Variants in PHLPP1 observed in about 807,000 individuals in gnomAD.
PHLPP1 encodes the protein PH domain and leucine rich repeat protein phosphatase 1.
PHLPP1 carries 42 observed loss-of-function variants against 117.2 expected under a neutral mutation model. The observed-to-expected ratio is 0.36, with a 90% CI of 0.28 to 0.46. The LOEUF is 0.46. PHLPP1 is among the 20% of genes least tolerant of loss of function. The probability of loss-of-function intolerance (pLI) is 1.00; values close to 1 mark genes in which losing one functional copy is unlikely to be tolerated. For synonymous variants in PHLPP1, 1,042 were observed against 970.7 expected, an observed-to-expected ratio of 1.07 and a Z score of -1.37; for missense variants, 2,084 against 2,241.9, an observed-to-expected ratio of 0.93 and a Z score of 1.42.
At chr18:62,969,835 T>C (rs1033805821) in intron 14 of PHLPP1, among the ~76,000 whole-genome samples, 1 of 152,234 alleles carries the variant, frequency 6.6e-6, no homozygotes, top group Non-Finnish European at 1.5e-5. Flanking sequence ...AAAATCCTTT[T>C]ACTTTTAACC....
At chr18:62,905,170 C>A in intron 7 of PHLPP1, 54 bp from the exon 8 acceptor site, 2 of 1,118,260 alleles carry the variant, frequency 1.8e-6, no homozygotes, top group South Asian at 4.0e-5. Flanking sequence ...CAAAAAGAGT[C>A]TCTATGTCAT....
At chr18:62,850,254 G>A (rs1331925376) in intron 3 of PHLPP1, among the ~76,000 whole-genome samples, 1 of 151,646 alleles carries the variant, frequency 6.6e-6, no homozygotes, top group Non-Finnish European at 1.5e-5. Flanking sequence ...TGGGTGTGGT[G>A]GCAGGCACCT....
intron 1 of PHLPP1, among the ~76,000 whole-genome samples, chr18:62,791,335 C>A (rs905653416): frequency 6.6e-6 from 1 of 152,042 alleles, no homozygotes; most frequent in South Asian, 2.1e-4. Flanking sequence ...CACTGTGTAG[C>A]CACATGTTTC....
At chr18:62,746,128 C>T (rs1235791143) in intron 1 of PHLPP1, among the ~76,000 whole-genome samples, 1 of 152,134 alleles carries the variant, frequency 6.6e-6, no homozygotes, top group Non-Finnish European at 1.5e-5. Flanking sequence ...ACCGCAACCT[C>T]CCCCTCCCGG....
intron 1 of PHLPP1, among the ~76,000 whole-genome samples, chr18:62,761,429 G>A (rs1032965293): frequency 3.3e-5 from 5 of 151,740 alleles, no homozygotes; most frequent in East Asian, 2.0e-4. Context: ...TCATGAGATC[G>A]AGACCATCCT....
At chr18:62,816,013 T>C (rs913397931) in intron 1 of PHLPP1, among the ~76,000 whole-genome samples, 7 of 152,226 alleles carry the variant, frequency 4.6e-5, no homozygotes, top group African/African-American at 1.7e-4. Context: ...AAGTGATTTC[T>C]TATAATTGCA....
chr18:62,777,048 C>A (rs1049739368), intron 1 of PHLPP1, among the ~76,000 whole-genome samples: 3 of 152,170 alleles, frequency 2.0e-5, no homozygotes, highest in African/African-American at 7.2e-5. Context: ...TTTCTGTGAA[C>A]ATGTTTTCAT....
At chr18:62,742,823 G>A (rs1406267358) in intron 1 of PHLPP1, among the ~76,000 whole-genome samples, 1 of 152,130 alleles carries the variant, frequency 6.6e-6, no homozygotes, top group African/African-American at 2.4e-5. Context: ...AGAAAAATTA[G>A]TACCTCTTAT....
intron 9 of PHLPP1, among the ~76,000 whole-genome samples, chr18:62,919,427 C>T (rs1251566808): frequency 6.6e-6 from 1 of 151,988 alleles, no homozygotes; most frequent in East Asian, 1.9e-4. Flanking sequence ...AGACATACAG[C>T]CAGGGAAGTG....
At chr18:62,913,890 T>A (rs1917030665) in intron 8 of PHLPP1, among the ~76,000 whole-genome samples, 1 of 151,944 alleles carries the variant, frequency 6.6e-6, no homozygotes, top group African/African-American at 2.4e-5. Flanking sequence ...ATTATAGCCA[T>A]GTGCCACCAC....
At chr18:62,824,674 C>T (rs1191526484) in intron 1 of PHLPP1, among the ~76,000 whole-genome samples, 5 of 151,994 alleles carry the variant, frequency 3.3e-5, no homozygotes, top group Non-Finnish European at 5.9e-5. Context: ...AAAAGGTGGA[C>T]GTTTCTATCA....
At chr18:62,865,014 C>A (rs1267178713) in intron 4 of PHLPP1, among the ~76,000 whole-genome samples, 1 of 152,126 alleles carries the variant, frequency 6.6e-6, no homozygotes, top group Non-Finnish European at 1.5e-5. Context: ...GTTTTATATG[C>A]TCTATGTATT....
chr18:62,763,933 C>T (rs1269025041), intron 1 of PHLPP1, among the ~76,000 whole-genome samples: 3 of 152,000 alleles, frequency 2.0e-5, no homozygotes, highest in African/African-American at 4.8e-5. Flanking sequence ...GAGGCTGAGG[C>T]GGGTGTATCA....
intron 3 of PHLPP1, chr18:62,842,881 A>G (rs887940387): frequency 6.6e-6 from 1 of 152,242 alleles, no homozygotes; most frequent in African/African-American, 2.4e-5. Context: ...CCCTTCTTTA[A>G]GCATTATGTG....
chr18:62,931,245 T>G (rs1367498800), intron 10 of PHLPP1, among the ~76,000 whole-genome samples: 1 of 150,464 alleles, frequency 6.6e-6, no homozygotes, highest in Non-Finnish European at 1.5e-5. Context: ...AACTAAACAG[T>G]TTGGTCCTCT....
At position 62,824,146 on chromosome 18, in the gene PHLPP1, A is replaced by G. The variant is rs999255906; in HGVS notation, c.1577-5889A>G. 3 of 453,006 alleles carry G rather than the reference A, an allele frequency of 6.6e-6. No homozygotes were observed. In the Admixed American group the frequency reaches 7.2e-5, roughly 11 times the overall value. 28.1% of individuals were successfully genotyped at this position (453,006 alleles called of 1,614,324 possible). A position where few individuals can be genotyped will look rare whatever the true frequency, so the allele number is the denominator to read the frequency against. ...AACTCCGTCTCAAAAAAAAAAAAAA[A>G]AATGTTGACAGGGATGTGGAGCATC... On this transcript the variant is annotated intron_variant, in intron 1 of 16. Transcript: ENST00000262719.
chr18:62,960,331 GGAGT>G (rs1176414788), intron 13 of PHLPP1, among the ~76,000 whole-genome samples: 4 of 151,944 alleles, frequency 2.6e-5, no homozygotes, highest in Admixed American at 6.6e-5. Flanking sequence ...AGAAATGAAG[GGAGT>G]AAGTCACAAG....
intron 1 of PHLPP1, among the ~76,000 whole-genome samples, chr18:62,738,661 A>C (rs1911437094): frequency 6.6e-6 from 1 of 152,212 alleles, no homozygotes; most frequent in Non-Finnish European, 1.5e-5. Flanking sequence ...CCTATGATAA[A>C]GTTTAATTTC....
Position 62,715,983 on chromosome 18 carries a change from G to T in PHLPP1, c.300G>T (p.Gln100His). Reference protein sequence around the residue: ...AGRRRRRGAPQPIAGGAAPVP... With the variant: ...AGRRRRRGAPHPIAGGAAPVP... ...GCAGGAGGCGGCGCGGGGCGCCCCAGCCCATTGCCGGCGGGGCTGCCCCCG... is the reference window on the plus strand; with the variant it reads ...GCAGGAGGCGGCGCGGGGCGCCCCATCCCATTGCCGGCGGGGCTGCCCCCG... Residue 100 changes from glutamine (Q) to histidine (H), a missense_variant, in exon 1 of 17, where the codon CAG (glutamine) becomes CAT (histidine). Around this residue, in one of 2 missense-constraint regions of PHLPP1, gnomAD observed 719 missense variants for 636.0 expected, o/e 1.13. Coordinates refer to ENST00000262719, the MANE Select transcript of PHLPP1 (RefSeq NM_194449.4). 1 of 1,334,854 alleles carries T rather than the reference G, an allele frequency of 7.5e-7. No homozygotes were observed. Among genetic ancestry groups the T allele is most frequent in the South Asian group, 1.9e-5 (1 of 53,884 alleles). The allele number at this position is 1,334,854 out of a possible 1,614,324, so 82.7% of individuals were successfully genotyped here. A position where few individuals can be genotyped will look rare whatever the true frequency, so the allele number is the denominator to read the frequency against.
Sources: gnomAD v4.1 joint callset for allele counts (sites outside exome capture counted in the v4.1 genomes callset) on GRCh38, gnomAD v4.1.1 for gene constraint, gnomAD v4.1.1 regional missense constraint, MANE v1.5 for transcripts, NCBI Gene and HGNC (gene_info 2026-07-23, HGNC 2026-07-21) for gene names.